CLSTN2: variants seen among roughly 807,000 people sequenced by gnomAD.
The protein encoded by CLSTN2 is calsyntenin-2.
A neutral mutation model predicts 101.2 loss-of-function variants in CLSTN2; 48 were observed. That is an observed-to-expected ratio of 0.47 (90% CI 0.38 to 0.60). CLSTN2 has a LOEUF of 0.60. CLSTN2 is among the 20% of genes least tolerant of loss of function. CLSTN2 has a pLI of 0.00. For synonymous variants in CLSTN2, 481 were observed against 463.6 expected (o/e 1.04, Z -0.48); for missense variants, 1,160 against 1,238.2 (o/e 0.94, Z 0.95).
chr3:140,341,484 T>C (rs1317996743), intron 2 of CLSTN2, among the ~76,000 whole-genome samples: 1 of 152,184 alleles, frequency 6.6e-6, no homozygotes, highest in East Asian at 1.9e-4. Context: ...GCACCCTCAC[T>C]GTAAAAGTGA....
At chr3:140,316,537 G>C (rs922734876) in intron 2 of CLSTN2, among the ~76,000 whole-genome samples, 1 of 151,864 alleles carries the variant, frequency 6.6e-6, no homozygotes, top group Non-Finnish European at 1.5e-5. Context: ...ATACCTCTTG[G>C]TGTCTGTGTC....
chr3:140,068,939 C>G (rs2008347082), intron 1 of CLSTN2, among the ~76,000 whole-genome samples: 1 of 152,206 alleles, frequency 6.6e-6, no homozygotes, highest in Non-Finnish European at 1.5e-5. Flanking sequence ...CTTAACCACT[C>G]TGTGCTCTTT....
chr3:140,151,803 C>T (rs1356740391), intron 1 of CLSTN2, among the ~76,000 whole-genome samples: 2 of 152,188 alleles, frequency 1.3e-5, no homozygotes, highest in Admixed American at 6.5e-5. Context: ...GCTGCCAGCC[C>T]CACTTGTCCC....
At chr3:140,150,892 A>G (rs926215587) in intron 1 of CLSTN2, among the ~76,000 whole-genome samples, 23 of 152,302 alleles carry the variant, frequency 1.5e-4, no homozygotes, top group African/African-American at 4.8e-4. Context: ...TGCTCAGCCC[A>G]TATAAAATAT....
intron 2 of CLSTN2, among the ~76,000 whole-genome samples, chr3:140,184,452 G>A (rs1485349472): frequency 6.6e-6 from 1 of 152,082 alleles, no homozygotes; most frequent in Non-Finnish European, 1.5e-5. Flanking sequence ...GAAACCATCA[G>A]ATCTCATGAG....
intron 1 of CLSTN2, among the ~76,000 whole-genome samples, chr3:139,999,249 G>GCTCC (rs769208093): frequency 1.5e-4 from 23 of 152,128 alleles, no homozygotes; most frequent in Non-Finnish European, 3.2e-4. Context: ...GTGTGATGTT[G>GCTCC]CTCCCTCCCT....
chr3:140,239,505 A>G (rs543444313), intron 2 of CLSTN2, among the ~76,000 whole-genome samples: 9 of 152,350 alleles, frequency 5.9e-5, no homozygotes, highest in African/African-American at 2.2e-4. Flanking sequence ...CTTAAAAATG[A>G]TAATATAATA....
intron 1 of CLSTN2, among the ~76,000 whole-genome samples, chr3:140,148,509 T>G (rs954968841): frequency 2.0e-5 from 3 of 152,240 alleles, no homozygotes; most frequent in Admixed American, 6.5e-5. Flanking sequence ...CTTTTATTTT[T>G]CATAATGACC....
In CLSTN2 at chr3:140,195,126, T is replaced by C. The variant is rs139096752; in HGVS notation, c.232+19053T>C. Among the ~76,000 whole-genome samples the C allele has an allele frequency of 3.2e-3, 486 of 152,344 alleles. 3 individuals carry two copies. The highest frequency in any genetic ancestry group is 0.014 in the Middle Eastern group (4 of 294). On this transcript the variant is annotated intron_variant, in intron 2 of 16. Transcript: ENST00000458420. ...GATGTCTAGGCTTTCTACTTACTCT[T>C]TGCTGACCTGGGTAGGAGTGAGGCC...
At chr3:140,544,553 C>T (rs910581706) in intron 9 of CLSTN2, among the ~76,000 whole-genome samples, 2 of 152,218 alleles carry the variant, frequency 1.3e-5, no homozygotes, top group African/African-American at 4.8e-5. Flanking sequence ...ATCAGTTTGT[C>T]TTTTTAAGGA....
At chr3:140,164,323 G>A (rs2010098793) in intron 1 of CLSTN2, among the ~76,000 whole-genome samples, 1 of 152,036 alleles carries the variant, frequency 6.6e-6, no homozygotes, top group African/African-American at 2.4e-5. Context: ...TTGGGTTGTG[G>A]GCATGCTGGG....
intron 4 of CLSTN2, among the ~76,000 whole-genome samples, chr3:140,410,039 CCT>C (rs2088345589): frequency 1.3e-5 from 2 of 151,766 alleles, no homozygotes; most frequent in Admixed American, 1.3e-4. Context: ...ATCAAGAAAG[CCT>C]ACATAATGTA....
At chr3:140,142,795 C>G (rs949072643) in intron 1 of CLSTN2, among the ~76,000 whole-genome samples, 2 of 152,114 alleles carry the variant, frequency 1.3e-5, no homozygotes, top group East Asian at 3.9e-4. Flanking sequence ...TGATAAGCAC[C>G]TAATTTCCTT....
intron 2 of CLSTN2, among the ~76,000 whole-genome samples, chr3:140,190,583 T>C (rs1209043216): frequency 6.6e-6 from 1 of 152,112 alleles, no homozygotes; most frequent in Non-Finnish European, 1.5e-5. Context: ...TGTGTTTACA[T>C]TTCTTTTCTT....
At chr3:140,260,970 C>T (rs1390502653) in intron 2 of CLSTN2, among the ~76,000 whole-genome samples, 2 of 152,046 alleles carry the variant, frequency 1.3e-5, no homozygotes, top group South Asian at 4.2e-4. Flanking sequence ...GGTGAGGTAC[C>T]CCTTTTCATC....
At chr3:140,330,625 C>T (rs951414609) in intron 2 of CLSTN2, among the ~76,000 whole-genome samples, 9 of 152,164 alleles carry the variant, frequency 5.9e-5, no homozygotes, top group African/African-American at 1.9e-4. Context: ...TCAGGCTCTG[C>T]TTACAGGGGA....
intron 9 of CLSTN2, among the ~76,000 whole-genome samples, chr3:140,543,581 G>C (rs1284547256): frequency 1.3e-5 from 2 of 152,218 alleles, no homozygotes; most frequent in East Asian, 3.9e-4. Context: ...AGGCAGGGCA[G>C]AGAGCAGGGC....
At chr3:140,478,759 C>T (rs1011810512) in intron 8 of CLSTN2, among the ~76,000 whole-genome samples, 4 of 117,538 alleles carry the variant, frequency 3.4e-5, no homozygotes, top group African/African-American at 1.0e-4. Context: ...AGATTAAAAA[C>T]AAGAACTGAA....
chr3:140,242,497 G>A (rs1252724508), intron 2 of CLSTN2, among the ~76,000 whole-genome samples: 3 of 152,068 alleles, frequency 2.0e-5, no homozygotes, highest in African/African-American at 7.2e-5. Flanking sequence ...TTGAGCCCCT[G>A]TTCTCTGAGT....
Sources: allele counts gnomAD v4.1 joint callset (sites outside exome capture counted in the v4.1 genomes callset), GRCh38; gene constraint gnomAD v4.1.1; transcripts MANE v1.5; gene names NCBI Gene and HGNC (gene_info 2026-07-23, HGNC 2026-07-21).